The following NPHP4 variants were observed in gnomAD, a reference collection of about 807,000 sequenced individuals.
NPHP4 encodes the protein nephrocystin 4.
In NPHP4, 151 loss-of-function variants were observed where a neutral mutation model predicts 155.8. The ratio of observed to expected loss-of-function variants is 0.97; its 90% CI spans 0.85 to 1.11. The LOEUF (loss-of-function observed/expected upper bound fraction) is 1.11. Among genes scored for constraint, NPHP4 ranks in the 50% least tolerant of loss-of-function variants. The pLI is 0.00. For missense variants in NPHP4, 1,956 were observed against 1,925.7 expected (o/e 1.02, Z -0.29); for synonymous variants, 845 against 816.8 (o/e 1.03, Z -0.59).
rs1643987117 is a variant in NPHP4, at chr1:5,889,248, G to A, written c.2304+1620C>T. On this transcript the variant is annotated intron_variant, in intron 17 of 29. Coordinates refer to ENST00000378156, the MANE Select transcript of NPHP4 (RefSeq NM_015102.5). The surrounding 1 kb of genome is among the most constrained non-coding windows in gnomAD (Gnocchi z 4.2). ...GCAACAGCAAGAGCTCAAACAAGAT[G>A]AAAGCTGGCCCCGCCTGCAGAAAGT... Among the ~76,000 whole-genome samples, 1 of 152,174 alleles carries A rather than the reference G, an allele frequency of 6.6e-6. No individual in the cohort carries two copies. Among genetic ancestry groups the A allele is most frequent in the Admixed American group, 6.5e-5 (1 of 15,290 alleles).
Position 5,906,607 on chromosome 1 carries a change from C to A in NPHP4, c.1611+508G>T, listed in dbSNP as rs534485065. 5.9e-5 allele frequency among the ~76,000 whole-genome samples: 9 copies of A among 152,312 alleles called. 1 individual carries two copies. The South Asian group carries it at 1.9e-3, about 32-fold the overall frequency. On this transcript the variant is annotated intron_variant, in intron 13 of 29. Coordinates refer to ENST00000378156, the MANE Select transcript of NPHP4 (RefSeq NM_015102.5). ...ATAATTCCAGTTAAGACCAAAGATG[C>A]AGTTTGCAGGTGAACCAGCCGACTT...
intron 26 of NPHP4, chr1:5,866,081 C>T: frequency 2.1e-6 from 1 of 471,094 alleles, no homozygotes; most frequent in Admixed American, 3.4e-5. Flanking sequence ...TAATGAGGGG[C>T]TTCTGGGTGG....
chr1:5,926,495 C>T (rs1195690116), intron 11 of NPHP4, among the ~76,000 whole-genome samples: 4 of 152,114 alleles, frequency 2.6e-5, no homozygotes, highest in African/African-American at 7.2e-5. Context: ...GCACTGAACA[C>T]GTACAGACTC....
chr1:5,875,044 G>T lies in NPHP4; in HGVS notation c.2874C>A (p.Tyr958Ter). The change falls in exon 21 of 30, where the codon TAC (tyrosine) becomes TAA (stop). Residue 958 changes from tyrosine to a stop codon, truncating the protein, a stop_gained. Coordinates refer to ENST00000378156, the MANE Select transcript of NPHP4 (RefSeq NM_015102.5). LOFTEE classifies it high-confidence loss of function. ...TGCTCTCGGCCTTCGTGCGTTCCCG[G>T]TAGGCGGCGATGACCTGTAGGTCCC... Reference protein sequence around the residue: ...HLRDLQVIAAYRERTKAESIA... With the variant: ...HLRDLQVIAA The T allele has an allele frequency of 6.2e-7, 1 of 1,608,810 alleles. No individual in the cohort carries two copies. The highest frequency in any genetic ancestry group is 8.5e-7 in the Non-Finnish European group (1 of 1,179,828).
At position 5,889,364 on chromosome 1, in the gene NPHP4, T is replaced by C. The variant is rs981163838; in HGVS notation, c.2304+1504A>G. ...CTGATCATCTCAGTTTTTCACGTTTTCTACCTAAGTTTTAAAGTTACAAGA... is the reference window on the plus strand; with the variant it reads ...CTGATCATCTCAGTTTTTCACGTTTCCTACCTAAGTTTTAAAGTTACAAGA... On this transcript the variant is annotated intron_variant, in intron 17 of 29. Coordinates refer to ENST00000378156, the MANE Select transcript of NPHP4 (RefSeq NM_015102.5). The surrounding 1 kb of genome is among the most constrained non-coding windows in gnomAD (Gnocchi z 4.2). Among the ~76,000 whole-genome samples, 5 of 152,250 alleles carry C rather than the reference T, an allele frequency of 3.3e-5. No homozygotes were observed. The highest frequency in any genetic ancestry group is 1.2e-4 in the African/African-American group (5 of 41,460).
chr1:5,964,078 G>A (rs929628441), intron 5 of NPHP4, among the ~76,000 whole-genome samples: 1 of 152,182 alleles, frequency 6.6e-6, no homozygotes, highest in African/African-American at 2.4e-5. Context: ...CCACAGAGCT[G>A]TAAAAAGAGT....
chr1:5,910,185 G>A lies in NPHP4; in HGVS notation c.1442-972C>T, dbSNP rs972487524. Among the ~76,000 whole-genome samples, 5 of 152,094 alleles carry A rather than the reference G, an allele frequency of 3.3e-5. No individual in the cohort carries two copies. The highest frequency in any genetic ancestry group is 1.2e-4 in the African/African-American group (5 of 41,404). On this transcript the variant is annotated intron_variant, in intron 11 of 29. Coordinates refer to ENST00000378156, the MANE Select transcript of NPHP4 (RefSeq NM_015102.5). This position sits in a 1 kb window ranked among gnomAD's most constrained non-coding sequence, Gnocchi z 5.4. ...AGCCCATCCTGACGGGGCCACCTCT[G>A]CCCACTCAGAGGCCAGGGTGGGAGC...
At chr1:5,898,468 C>G (rs11577514) in intron 16 of NPHP4, among the ~76,000 whole-genome samples, 26,717 of 152,244 alleles carry the variant, frequency 0.18, 2,523 homozygotes, top group African/African-American at 0.23. Context: ...GCGTGGCTGC[C>G]GGAAGCTTCA....
At chr1:5,964,670 T>C (rs922864307) in intron 5 of NPHP4, among the ~76,000 whole-genome samples, 2 of 151,934 alleles carry the variant, frequency 1.3e-5, no homozygotes, top group Non-Finnish European at 2.9e-5. Flanking sequence ...CTCCACTCCC[T>C]GGCCAGTGAG....
intron 1 of NPHP4, among the ~76,000 whole-genome samples, chr1:5,988,588 C>T (rs1321970603): frequency 1.3e-5 from 2 of 152,226 alleles, no homozygotes; most frequent in Non-Finnish European, 1.5e-5. Flanking sequence ...ATATAACTCA[C>T]ATAAACAAAA....
chr1:5,967,806 A>G (rs1651809491), intron 4 of NPHP4, among the ~76,000 whole-genome samples: 1 of 152,126 alleles, frequency 6.6e-6, no homozygotes, highest in Non-Finnish European at 1.5e-5. Context: ...GTGCCCTGGC[A>G]TCTAGTGCGT....
intron 9 of NPHP4, among the ~76,000 whole-genome samples, chr1:5,946,338 T>C (rs1202363041): frequency 6.6e-6 from 1 of 152,244 alleles, no homozygotes; most frequent in Non-Finnish European, 1.5e-5. Context: ...ATTCTTACTC[T>C]TAGTGTTCTA....
In NPHP4 at chr1:5,862,903, G is replaced by A. The variant is rs1175365329; in HGVS notation, c.*362C>T. ...GCATAGCAAATAATAGATTATGTTT[G>A]TACAAAATCCAGTAAGAAAAACATA... On this transcript the variant is annotated 3_prime_UTR_variant, in exon 30 of 30. Transcript: ENST00000378156. 3.6e-6 allele frequency: 1 copy of A among 274,032 alleles called. No homozygotes were observed. The allele number at this position is 274,032 out of a possible 1,614,324, so 17.0% of individuals were successfully genotyped here.
Position 5,864,350 on chromosome 1 carries a change from C to T in NPHP4, c.3984G>A (p.Pro1328=), listed in dbSNP as rs763002637. The change falls in exon 28 of 30, where the codon CCG becomes CCA. Residue 1328 remains proline (P), a synonymous_variant. Transcript: ENST00000378156. ...CACACATACAGACCTTGGAGATGAG[C>T]GGCTGGCGGCAGCAGAGGCACACGA... is the stretch of plus-strand genomic sequence containing the variant. ...SWLVCLCCRQ[P]LISKAFEIML... The T allele has an allele frequency of 1.3e-5, 21 of 1,605,960 alleles. 1 individual carries two copies. Among genetic ancestry groups the T allele is most frequent in the South Asian group, 1.0e-4 (9 of 90,164 alleles).
Position 5,875,633 on chromosome 1 carries a change from T to G in NPHP4, c.2818-533A>C, listed in dbSNP as rs1104595. On this transcript the variant is annotated intron_variant, in intron 20 of 29. Transcript: ENST00000378156. ...CCCCTTGCTCTGATGCCGCAGGGACTCAAGGGGCTTGGCCAGCACACATGG... is the reference window on the plus strand; with the variant it reads ...CCCCTTGCTCTGATGCCGCAGGGACGCAAGGGGCTTGGCCAGCACACATGG... 9.7e-4 allele frequency among the ~76,000 whole-genome samples: 147 copies of G among 152,310 alleles called. 1 individual carries two copies. The highest frequency in any genetic ancestry group is 3.4e-3 in the Middle Eastern group (1 of 294).
intron 7 of NPHP4, among the ~76,000 whole-genome samples, 154 bp downstream of exon 7, chr1:5,952,546 C>CG (rs1386425536): frequency 6.6e-6 from 1 of 151,022 alleles, no homozygotes; most frequent in East Asian, 2.0e-4. Context: ...GCATCAGATG[C>CG]GGGGTCTCCC....
intron 23 of NPHP4, among the ~76,000 whole-genome samples, chr1:5,872,518 C>A (rs1642110202): frequency 6.6e-6 from 1 of 152,166 alleles, no homozygotes; most frequent in South Asian, 2.1e-4. Context: ...AAAGCTGTGG[C>A]TGCACACTTA....
At chr1:5,874,754 G>A (rs1642392345) in intron 21 of NPHP4, 97 bp from the exon 22 acceptor site, 1 of 1,519,770 alleles carries the variant, frequency 6.6e-7, no homozygotes, top group Admixed American at 1.8e-5. Flanking sequence ...TCAGAGGAGT[G>A]GGAGAGAGAA....
Position 5,880,245 on chromosome 1 carries a change from T to C in NPHP4, c.2486-6A>G, listed in dbSNP as rs191289431. ...TTTCTGTTCACACGGGTGACCTACA[T>C]GAAAAACATCCCAACATAAGACATG... is the stretch of plus-strand genomic sequence containing the variant. On this transcript the variant is annotated splice_region_variant and splice_polypyrimidine_tract_variant and intron_variant, in intron 18 of 29. Coordinates refer to ENST00000378156, the MANE Select transcript of NPHP4 (RefSeq NM_015102.5). The C allele has an allele frequency of 1.2e-5, 20 of 1,613,056 alleles. No homozygotes were observed. The African/African-American group carries it at 2.5e-4, about 20-fold the overall frequency.
Sources: allele counts gnomAD v4.1 joint callset (sites outside exome capture counted in the v4.1 genomes callset), GRCh38; gene constraint gnomAD v4.1.1; non-coding constraint Gnocchi (gnomAD v3.1); transcripts MANE v1.5; gene names NCBI Gene and HGNC (gene_info 2026-07-23, HGNC 2026-07-21).